The following AKAP9 variants were observed in gnomAD, a reference collection of about 807,000 sequenced individuals.
AKAP9 encodes the protein A-kinase anchoring protein 9.
AKAP9 carries 311 observed loss-of-function variants against 488.5 expected under a neutral mutation model. That is an observed-to-expected ratio of 0.64 (90% CI 0.58 to 0.70). The LOEUF is 0.70. AKAP9 is among the 30% of genes least tolerant of loss of function. The pLI is 0.00. For synonymous variants in AKAP9, 1,462 were observed against 1,483.5 expected (o/e 0.99, Z 0.33); for missense variants, 4,215 against 4,374.5 (o/e 0.96, Z 1.03).
At chr7:92,044,500 G>A (rs1806632065) in intron 20 of AKAP9, among the ~76,000 whole-genome samples, 1 of 152,000 alleles carries the variant, frequency 6.6e-6, no homozygotes, top group Non-Finnish European at 1.5e-5. Flanking sequence ...CCATTAACTT[G>A]TACAAATACT....
chr7:91,998,252 G>C (rs1246702540), intron 7 of AKAP9, among the ~76,000 whole-genome samples: 1 of 151,782 alleles, frequency 6.6e-6, no homozygotes, highest in African/African-American at 2.4e-5. Flanking sequence ...CCGGTACCGG[G>C]TCTGCAACCT....
In AKAP9 at chr7:91,992,916, C is replaced by A; in HGVS notation, c.437C>A (p.Ser146Tyr). Residue 146 changes from serine to tyrosine, a missense_variant, in exon 5 of 50, where the codon TCT (serine) becomes TAT (tyrosine). By Grantham distance (144) the Ser-to-Tyr change is moderately radical. Transcript: ENST00000356239. ...GAATTTGGTGTTGATGATTCTTATT[C>A]TGAACAAGGAGCACAAGACAGTCCG... ...EEEFGVDDSY[S>Y]EQGAQDSPTH... is the part of the protein sequence containing the mutation. 1 of 1,613,882 alleles carries A rather than the reference C, an allele frequency of 6.2e-7. No homozygotes were observed. Among genetic ancestry groups the A allele is most frequent in the Non-Finnish European group, 8.5e-7 (1 of 1,179,938 alleles).
intron 2 of AKAP9, among the ~76,000 whole-genome samples, chr7:91,978,734 CTTTTT>C (rs1345336197): frequency 2.6e-5 from 4 of 151,228 alleles, no homozygotes; most frequent in African/African-American, 9.7e-5. Context: ...TTGAACTTTT[CTTTTT>C]TATTGATTTA....
rs57401286 is a variant in AKAP9 at position 92,102,170 on chromosome 7, A to AT, written c.11098-424_11098-423insT. On this transcript the variant is annotated intron_variant, in intron 45 of 49. Coordinates refer to ENST00000356239, the MANE Select transcript of AKAP9 (RefSeq NM_005751.5). ...GACTCCGTCTCATAAATTTAAAAAA[A>AT]AAATAAATAAATAAATAAATAAATA... 0.027 allele frequency among the ~76,000 whole-genome samples: 3,602 copies of AT among 135,014 alleles called. 280 individuals are homozygous for AT. In the East Asian group the frequency reaches 0.33, roughly 12 times the overall value. 88.6% of individuals were successfully genotyped at this position (135,014 alleles called of 152,430 possible). A position where few individuals can be genotyped will look rare whatever the true frequency, so the allele number is the denominator to read the frequency against.
At chr7:91,973,622 TAA>T in intron 1 of AKAP9, 87 bp from the exon 2 acceptor site, 2 of 1,386,742 alleles carry the variant, frequency 1.4e-6, no homozygotes, top group Non-Finnish European at 2.0e-6. Context: ...GTTTGATCTT[TAA>T]AAGAGAGACT....
intron 28 of AKAP9, among the ~76,000 whole-genome samples, chr7:92,075,087 A>C (rs1020253903): frequency 9.0e-6 from 1 of 111,060 alleles, no homozygotes; most frequent in African/African-American, 3.3e-5. Flanking sequence ...ATGAGTCAAA[A>C]ATTAAAAAAA....
intron 7 of AKAP9, among the ~76,000 whole-genome samples, chr7:91,999,519 T>C (rs1249857221): frequency 6.6e-6 from 1 of 152,246 alleles, no homozygotes; most frequent in Non-Finnish European, 1.5e-5. Flanking sequence ...CATTGGATTT[T>C]ATATTATTTC....
chr7:92,046,385 GT>G, intron 21 of AKAP9, among the ~76,000 whole-genome samples: 1 of 152,230 alleles, frequency 6.6e-6, no homozygotes, highest in East Asian at 1.9e-4. Flanking sequence ...AGAGAATTCT[GT>G]TTGTTAAATT....
At chr7:92,066,705 C>T (rs1810824666) in intron 26 of AKAP9, among the ~76,000 whole-genome samples, 159 bp downstream of exon 26, 1 of 152,056 alleles carries the variant, frequency 6.6e-6, no homozygotes, top group African/African-American at 2.4e-5. Context: ...GGTAATTAAC[C>T]CTGAAAATTG....
At position 91,981,810 on chromosome 7, in the gene AKAP9, T is replaced by C. The variant is rs537377231; in HGVS notation, c.351+1477T>C. On this transcript the variant is annotated intron_variant, in intron 3 of 49. Transcript: ENST00000356239. ...TAGTAGAGACGGGGTTTCACCATCT[T>C]GGCCAGGCTGGTCTTGAACTCCTGA... is the stretch of plus-strand genomic sequence containing the variant. Among the ~76,000 whole-genome samples, 355 of 152,222 alleles carry C rather than the reference T, an allele frequency of 2.3e-3. 2 individuals are homozygous for C. The highest frequency in any genetic ancestry group is 7.9e-3 in the African/African-American group (328 of 41,542).
intron 8 of AKAP9, among the ~76,000 whole-genome samples, chr7:92,012,221 G>A (rs899714427): frequency 1.3e-5 from 2 of 152,098 alleles, no homozygotes; most frequent in Admixed American, 6.5e-5. Flanking sequence ...TCACAATTTA[G>A]TATAAAACTG....
At chr7:92,076,027 G>A (rs548820610) in intron 28 of AKAP9, among the ~76,000 whole-genome samples, 8 of 152,264 alleles carry the variant, frequency 5.3e-5, no homozygotes, top group Admixed American at 5.2e-4. Context: ...TTGATCAGCA[G>A]TTTTGATCAT....
At chr7:92,056,720 A>G (rs960094107) in intron 22 of AKAP9, among the ~76,000 whole-genome samples, 1 of 151,972 alleles carries the variant, frequency 6.6e-6, no homozygotes, top group South Asian at 2.1e-4. Flanking sequence ...TGCCCTAATT[A>G]TTAGTCTACC....
intron 21 of AKAP9, among the ~76,000 whole-genome samples, chr7:92,048,080 CTG>C (rs1807307627): frequency 1.3e-5 from 2 of 152,056 alleles, no homozygotes; most frequent in Admixed American, 1.3e-4. Flanking sequence ...AATATTAACA[CTG>C]TGTTCCATAT....
intron 24 of AKAP9, among the ~76,000 whole-genome samples, chr7:92,063,925 C>T (rs1810336704): frequency 6.6e-6 from 1 of 151,948 alleles, no homozygotes; most frequent in Non-Finnish European, 1.5e-5. Flanking sequence ...AGACTACAGG[C>T]GGGAGCCACC....
At chr7:92,047,454 A>G (rs1243706080) in intron 21 of AKAP9, among the ~76,000 whole-genome samples, 1 of 152,064 alleles carries the variant, frequency 6.6e-6, no homozygotes, top group African/African-American at 2.4e-5. Flanking sequence ...CCTGACCTCA[A>G]GTGATCCACC....
intron 28 of AKAP9, among the ~76,000 whole-genome samples, chr7:92,074,984 C>T (rs1812334064): frequency 6.6e-6 from 1 of 151,874 alleles, no homozygotes; most frequent in Non-Finnish European, 1.5e-5. Flanking sequence ...GCATTCTGCA[C>T]ATGTATCCCA....
chr7:92,107,184 T>G, intron 47 of AKAP9, 109 bp from the exon 48 acceptor site: 1 of 1,040,542 alleles, frequency 9.6e-7, no homozygotes. Context: ...AAATAGGAGA[T>G]TGTATAATAT....
chr7:92,023,753 C>G (rs1236746890), intron 14 of AKAP9, among the ~76,000 whole-genome samples: 2 of 152,138 alleles, frequency 1.3e-5, no homozygotes. Flanking sequence ...CATTACTTTT[C>G]TGATTTTTAA....
Sources: gnomAD v4.1 joint callset for allele counts (sites outside exome capture counted in the v4.1 genomes callset) on GRCh38, gnomAD v4.1.1 for gene constraint, MANE v1.5 for transcripts, NCBI Gene and HGNC (gene_info 2026-07-23, HGNC 2026-07-21) for gene names.